Variants in SLAIN2 observed in about 807,000 individuals in gnomAD.
SLAIN2 encodes the protein SLAIN family member 2, also known as SLAIN motif-containing protein 2.
A neutral mutation model predicts 56.6 loss-of-function variants in SLAIN2; 31 were observed. The observed-to-expected ratio is 0.55, with a 90% CI of 0.41 to 0.74. The LOEUF is 0.74. Among genes scored for constraint, SLAIN2 ranks in the 30% least tolerant of loss-of-function variants. The pLI, the probability that SLAIN2 is intolerant of heterozygous loss-of-function variation, is 0.00. For missense variants in SLAIN2, 777 were observed against 754.2 expected, an observed-to-expected ratio of 1.03 and a Z score of -0.35; for synonymous variants, 317 against 284.9, an observed-to-expected ratio of 1.11 and a Z score of -1.13.
intron 1 of SLAIN2, among the ~76,000 whole-genome samples, chr4:48,357,745 A>C (rs1715198614): frequency 6.6e-6 from 1 of 151,822 alleles, no homozygotes; most frequent in African/African-American, 2.4e-5. Flanking sequence ...GGTAGAGACA[A>C]GGTTTCTCCA....
intron 6 of SLAIN2, among the ~76,000 whole-genome samples, chr4:48,399,819 A>G (rs952741518): frequency 6.6e-6 from 1 of 152,002 alleles, no homozygotes; most frequent in African/African-American, 2.4e-5. Flanking sequence ...TGATTTGCGT[A>G]TGTTGAACCA....
At chr4:48,377,187 T>A (rs1293488117) in intron 2 of SLAIN2, among the ~76,000 whole-genome samples, 3 of 150,954 alleles carry the variant, frequency 2.0e-5, no homozygotes, top group African/African-American at 4.9e-5. Flanking sequence ...CAAAAAAATA[T>A]ATATATATTT....
intron 6 of SLAIN2, among the ~76,000 whole-genome samples, chr4:48,397,149 C>T (rs1203730521): frequency 1.3e-5 from 2 of 152,060 alleles, no homozygotes; most frequent in African/African-American, 2.4e-5. Flanking sequence ...GAGACCTCAC[C>T]AAGCCAGCGG....
chr4:48,412,717 A>C (rs1382804105), intron 6 of SLAIN2, among the ~76,000 whole-genome samples: 2 of 152,116 alleles, frequency 1.3e-5, no homozygotes, highest in African/African-American at 2.4e-5. Flanking sequence ...CATTTAATAA[A>C]TTTTTCTAAT....
At chr4:48,407,347 G>T (rs887351936) in intron 6 of SLAIN2, among the ~76,000 whole-genome samples, 1 of 151,966 alleles carries the variant, frequency 6.6e-6, no homozygotes, top group Non-Finnish European at 1.5e-5. Context: ...TTGTCACTCC[G>T]ATTTATGCTA....
At chr4:48,366,521 T>C (rs1452627258) in intron 1 of SLAIN2, among the ~76,000 whole-genome samples, 2 of 152,372 alleles carry the variant, frequency 1.3e-5, no homozygotes, top group Non-Finnish European at 2.9e-5. Flanking sequence ...AGTAATTTTT[T>C]TGTTTCTAGT....
At chr4:48,400,680 C>T (rs956487930) in intron 6 of SLAIN2, among the ~76,000 whole-genome samples, 4 of 152,006 alleles carry the variant, frequency 2.6e-5, no homozygotes, top group African/African-American at 7.2e-5. Flanking sequence ...GGATTACAGG[C>T]GTGAGCCACT....
intron 1 of SLAIN2, among the ~76,000 whole-genome samples, chr4:48,358,714 T>A (rs770958286): frequency 6.6e-4 from 95 of 143,478 alleles, no homozygotes; most frequent in Admixed American, 1.9e-3. Context: ...ACTTGTATTT[T>A]TTTATTTATT....
intron 1 of SLAIN2, among the ~76,000 whole-genome samples, chr4:48,363,755 C>A (rs1326942181): frequency 2.3e-5 from 3 of 133,098 alleles, no homozygotes; most frequent in Non-Finnish European, 5.1e-5. Context: ...GCTGACCCCC[C>A]CCACCTCCCT....
At chr4:48,376,562 A>AT (rs1173647819) in intron 2 of SLAIN2, among the ~76,000 whole-genome samples, 3 of 149,934 alleles carry the variant, frequency 2.0e-5, no homozygotes, top group African/African-American at 7.3e-5. Flanking sequence ...TATTTATTTA[A>AT]TTTTACATGC....
intron 6 of SLAIN2, among the ~76,000 whole-genome samples, chr4:48,397,178 T>G (rs1284413606): frequency 6.6e-6 from 1 of 152,142 alleles, no homozygotes; most frequent in Non-Finnish European, 1.5e-5. Flanking sequence ...GAAGACTAAT[T>G]AGACAAAGTG....
At chr4:48,350,002 C>T (rs1432925835) in intron 1 of SLAIN2, among the ~76,000 whole-genome samples, 2 of 152,048 alleles carry the variant, frequency 1.3e-5, no homozygotes, top group Admixed American at 1.3e-4. Context: ...CACCCAGGAC[C>T]GAAAGTGATT....
At chr4:48,381,618 CT>C (rs1715975087) in intron 4 of SLAIN2, among the ~76,000 whole-genome samples, 1 of 152,286 alleles carries the variant, frequency 6.6e-6, no homozygotes, top group South Asian at 2.1e-4. Context: ...AACTGAAGGG[CT>C]AAGTGGACTC....
At chr4:48,418,437 T>C (rs1156883365) in intron 6 of SLAIN2, among the ~76,000 whole-genome samples, 1 of 152,178 alleles carries the variant, frequency 6.6e-6, no homozygotes, top group African/African-American at 2.4e-5. Flanking sequence ...CTTCATCCTG[T>C]TACTGTGGAT....
chr4:48,392,811 T>C (rs552946009), intron 6 of SLAIN2, among the ~76,000 whole-genome samples: 131 of 151,054 alleles, frequency 8.7e-4, no homozygotes, highest in Non-Finnish European at 1.6e-3. Flanking sequence ...TGGCAGGCCA[T>C]ATATTTTACT....
In SLAIN2 at chr4:48,370,017, T is replaced by G. The variant is rs761177087; in HGVS notation, c.538+20T>G. On this transcript the variant is annotated intron_variant, in intron 2 of 7. Coordinates refer to ENST00000264313, the MANE Select transcript of SLAIN2 (RefSeq NM_020846.2). ...TGTCAGGTATGTCTATAATTTTGCT[T>G]GTAAATTCATCTCTTTGCTTTCTTT... The G allele has an allele frequency of 6.2e-7, 1 of 1,607,522 alleles. No homozygotes were observed. Among genetic ancestry groups the G allele is most frequent in the Admixed American group, 1.7e-5 (1 of 59,156 alleles).
chr4:48,387,834 CAT>C (rs2109767014), intron 6 of SLAIN2, among the ~76,000 whole-genome samples: 1 of 152,070 alleles, frequency 6.6e-6, no homozygotes, highest in East Asian at 1.9e-4. Flanking sequence ...AATTAGTATA[CAT>C]AGTTTTCATA....
intron 6 of SLAIN2, among the ~76,000 whole-genome samples, chr4:48,389,838 A>G (rs1716190941): frequency 6.6e-6 from 1 of 152,170 alleles, no homozygotes; most frequent in Admixed American, 6.5e-5. Flanking sequence ...TAGGAGTTTT[A>G]AAATATCATA....
At position 48,420,248 on chromosome 4, in the gene SLAIN2, C is replaced by T. The variant is rs771526946; in HGVS notation, c.1484C>T (p.Thr495Ile). The T allele has an allele frequency of 1.2e-6, 2 of 1,613,968 alleles. No homozygotes were observed. The highest frequency in any genetic ancestry group is 1.7e-6 in the Non-Finnish European group (2 of 1,179,878). Reference sequence around the variant, plus strand: ...GGTAGCCAAGAAATAACACAGCTCACACAAACCACCTCCTCACCTGGGCCT... The same window carrying T: ...GGTAGCCAAGAAATAACACAGCTCATACAAACCACCTCCTCACCTGGGCCT... ...SPGSQEITQL[T>I]QTTSSPGPPM... is the part of the protein sequence containing the mutation. The change falls in exon 7 of 8, where the codon ACA (threonine) becomes ATA (isoleucine). Residue 495 changes from threonine to isoleucine, a missense_variant. By Grantham distance (89) the Thr-to-Ile change is moderately conservative (BLOSUM62 -1). Coordinates refer to ENST00000264313, the MANE Select transcript of SLAIN2 (RefSeq NM_020846.2).
Sources: allele counts gnomAD v4.1 joint callset (sites outside exome capture counted in the v4.1 genomes callset), GRCh38; gene constraint gnomAD v4.1.1; transcripts MANE v1.5; gene names NCBI Gene and HGNC (gene_info 2026-07-23, HGNC 2026-07-21).